The following COL11A1 variants were observed in gnomAD, a reference collection of about 807,000 sequenced individuals.
The protein encoded by COL11A1 is collagen type XI alpha 1 chain, also known as collagen alpha-1(XI) chain.
Under a neutral mutation model 265.2 loss-of-function variants are expected in COL11A1, and 74 were observed. The observed-to-expected ratio is 0.28, with a 90% CI of 0.23 to 0.34. The LOEUF (loss-of-function observed/expected upper bound fraction) is 0.34. Among genes scored for constraint, COL11A1 ranks in the 10% least tolerant of loss-of-function variants. The probability of loss-of-function intolerance (pLI) is 1.00; values close to 1 mark genes in which losing one functional copy is unlikely to be tolerated. For missense variants in COL11A1, 2,165 were observed against 2,263.6 expected (o/e 0.96, Z 0.88); for synonymous variants, 816 against 727.6 (o/e 1.12, Z -1.96).
intron 9 of COL11A1, 129 bp from the exon 10 acceptor site, chr1:103,018,988 A>G: frequency 1.4e-6 from 1 of 703,222 alleles, no homozygotes; most frequent in East Asian, 2.7e-5. Context: ...CACTTAAATT[A>G]ATTACAAATG....
At position 102,877,422 on chromosome 1, in the gene COL11A1, A is replaced by T. The variant is rs1649629784; in HGVS notation, c.*597T>A. The T allele has an allele frequency of 6.6e-6, 1 of 152,604 alleles. No homozygotes were observed. The highest frequency in any genetic ancestry group is 1.5e-5 in the Non-Finnish European group (1 of 68,028). The allele number at this position is 152,604 out of a possible 1,614,324, so 9.5% of individuals were successfully genotyped here. A position where few individuals can be genotyped will look rare whatever the true frequency, so the allele number is the denominator to read the frequency against. ...TTTTGTTGGCGACATCAAATAATTG[A>T]ACTCTTCAACATCAATATATACAAA... On this transcript the variant is annotated 3_prime_UTR_variant, in exon 67 of 67. Coordinates refer to ENST00000370096, the MANE Select transcript of COL11A1 (RefSeq NM_001854.4).
chr1:103,081,447 A>T (rs936141864), intron 2 of COL11A1, among the ~76,000 whole-genome samples: 13 of 151,856 alleles, frequency 8.6e-5, no homozygotes, highest in African/African-American at 1.2e-4. Context: ...CTATTTTTAA[A>T]ATGTTTTATG....
Position 102,962,213 on chromosome 1 carries a change from C to G in COL11A1, c.3077G>C (p.Arg1026Pro). 1 of 1,613,712 alleles carries G rather than the reference C, an allele frequency of 6.2e-7. No individual in the cohort carries two copies. Among genetic ancestry groups the G allele is most frequent in the Non-Finnish European group, 8.5e-7 (1 of 1,179,706 alleles). ...AAGACCTCTTTCCCCTGGGAAACCA[C>G]GTAATCCTGCTGGTCCATCTTTCCC... is the stretch of plus-strand genomic sequence containing the variant. ...ISGKDGPAGL[R>P]GFPGERGLPG... The change falls in exon 40 of 67, where the codon CGT becomes CCT. Residue 1026 changes from arginine to proline, a missense_variant. Coordinates refer to ENST00000370096, the MANE Select transcript of COL11A1 (RefSeq NM_001854.4).
chr1:103,106,301 G>A (rs1285611551), intron 1 of COL11A1, among the ~76,000 whole-genome samples: 2 of 152,096 alleles, frequency 1.3e-5, no homozygotes, highest in Non-Finnish European at 2.9e-5. Flanking sequence ...CATCACCGAA[G>A]AAATTCTCAG....
rs533717283 is a variant in COL11A1, at chr1:103,017,529, G to T, written c.1413+291C>A. Among the ~76,000 whole-genome samples the T allele has an allele frequency of 7.9e-5, 12 of 152,152 alleles. No homozygotes were observed. The East Asian group carries it at 2.3e-3, about 29-fold the overall frequency. On this transcript the variant is annotated intron_variant, in intron 11 of 66. Coordinates refer to ENST00000370096, the MANE Select transcript of COL11A1 (RefSeq NM_001854.4). ...TGGAAATATCTGGAAAATATGACTGGAATTCAAATTTGAAGACCAGAATCC... is the reference window on the plus strand; with the variant it reads ...TGGAAATATCTGGAAAATATGACTGTAATTCAAATTTGAAGACCAGAATCC...
chr1:102,942,482 G>A (rs1344767343), intron 42 of COL11A1, among the ~76,000 whole-genome samples: 2 of 151,916 alleles, frequency 1.3e-5, no homozygotes, highest in Non-Finnish European at 2.9e-5. Flanking sequence ...GTATCTCTTG[G>A]CCCACAATCT....
At chr1:102,981,241 A>G (rs115219218) in intron 31 of COL11A1, among the ~76,000 whole-genome samples, 1,595 of 152,196 alleles carry the variant, frequency 0.01, 26 homozygotes, top group African/African-American at 0.036. Flanking sequence ...CGTACTGGGG[A>G]AAAAAATCTC....
chr1:102,979,231 A>G lies in COL11A1; in HGVS notation c.2611-127T>C, dbSNP rs919818486. On this transcript the variant is annotated intron_variant, in intron 32 of 66. Coordinates refer to ENST00000370096, the MANE Select transcript of COL11A1 (RefSeq NM_001854.4). ...TTCATTCGTATTCATTTAGAGACAG[A>G]CTTGCTATGCTGCCCAGGCTGGCCT... 6.5e-5 allele frequency: 81 copies of G among 1,248,410 alleles called. No individual in the cohort carries two copies. The South Asian group carries it at 9.8e-4, about 15-fold the overall frequency. 77.3% of individuals were successfully genotyped at this position (1,248,410 alleles called of 1,614,324 possible). A position where few individuals can be genotyped will look rare whatever the true frequency, so the allele number is the denominator to read the frequency against.
Position 103,082,895 on chromosome 1 carries a change from T to C in COL11A1, c.184A>G (p.Thr62Ala). 1.2e-6 allele frequency: 2 copies of C among 1,613,742 alleles called. No individual in the cohort carries two copies. The highest frequency in any genetic ancestry group is 1.7e-6 in the Non-Finnish European group (2 of 1,179,754). ...GAGCCTTTAGAATTCTTTCTGTTTG[T>C]GCAAAATCCCGTTGTTTTTGATATT... Reference protein sequence around the residue: ...EGISKTTGFCTNRKNSKGSDT... With the variant: ...EGISKTTGFCANRKNSKGSDT... Residue 62 changes from threonine (T) to alanine (A), a missense_variant, in exon 2 of 67, where the codon ACA becomes GCA. Thr to Ala is a moderately conservative substitution (Grantham distance 58). Transcript: ENST00000370096.
intron 1 of COL11A1, among the ~76,000 whole-genome samples, chr1:103,096,714 A>G (rs976510510): frequency 7.2e-5 from 11 of 151,998 alleles, no homozygotes; most frequent in African/African-American, 2.7e-4. Context: ...GAACTTTAAG[A>G]CTTAAAAAAA....
intron 1 of COL11A1, among the ~76,000 whole-genome samples, chr1:103,085,293 A>G (rs965842107): frequency 5.3e-5 from 8 of 152,200 alleles, no homozygotes; most frequent in Non-Finnish European, 8.8e-5. Flanking sequence ...CAGGGCCCCA[A>G]ATGGCTGGAG....
chr1:102,992,240 T>C (rs1429419291), intron 28 of COL11A1, among the ~76,000 whole-genome samples: 2 of 152,114 alleles, frequency 1.3e-5, no homozygotes, highest in African/African-American at 4.8e-5. Flanking sequence ...AAGTGACGTA[T>C]CAAGTTATTA....
In COL11A1 at chr1:103,009,018, A is replaced by C. The variant is rs567675187; in HGVS notation, c.1630-502T>G. Among the ~76,000 whole-genome samples, 15 of 152,330 alleles carry C rather than the reference A, an allele frequency of 9.8e-5. No homozygotes were observed. The South Asian group carries it at 2.9e-3, about 29-fold the overall frequency. On this transcript the variant is annotated intron_variant, in intron 14 of 66. Transcript: ENST00000370096. ...AGAACCTGGTGTTATTGATACTATT[A>C]TAATTGCCGTGAAATAGTGTTAACA... is the stretch of plus-strand genomic sequence containing the variant.
chr1:102,973,862 T>C (rs1168553624), intron 36 of COL11A1, among the ~76,000 whole-genome samples: 1 of 152,206 alleles, frequency 6.6e-6, no homozygotes, highest in Non-Finnish European at 1.5e-5. Flanking sequence ...TGTCTTAATA[T>C]TTGATGTTTA....
intron 63 of COL11A1, among the ~76,000 whole-genome samples, chr1:102,884,137 G>A (rs528072121): frequency 1.2e-4 from 18 of 152,202 alleles, no homozygotes; most frequent in Non-Finnish European, 2.4e-4. Flanking sequence ...AGTGAAAGCC[G>A]CTGAGGCAGT....
intron 46 of COL11A1, among the ~76,000 whole-genome samples, chr1:102,925,390 G>C (rs1019123754): frequency 1.3e-5 from 2 of 151,750 alleles, no homozygotes; most frequent in Non-Finnish European, 2.9e-5. Flanking sequence ...ATGACTTTCA[G>C]TTTGTAAAGA....
chr1:102,961,723 G>T, intron 41 of COL11A1, 143 bp downstream of exon 41: 1 of 726,586 alleles, frequency 1.4e-6, no homozygotes, highest in Non-Finnish European at 2.4e-6. Context: ...CATGCAATTA[G>T]TGGGAACTAG....
At chr1:103,040,418 A>C (rs2102046951) in intron 4 of COL11A1, among the ~76,000 whole-genome samples, 1 of 151,660 alleles carries the variant, frequency 6.6e-6, no homozygotes, top group African/African-American at 2.4e-5. Flanking sequence ...TCATTTTATC[A>C]GTTTATGTTA....
At chr1:102,919,143 G>T (rs1359293130) in intron 49 of COL11A1, among the ~76,000 whole-genome samples, 1 of 132,866 alleles carries the variant, frequency 7.5e-6, no homozygotes, top group Non-Finnish European at 1.7e-5. Context: ...GGAATGAAAA[G>T]TGTGTTTTCA....
Sources: gnomAD v4.1 joint callset for allele counts (sites outside exome capture counted in the v4.1 genomes callset) on GRCh38, gnomAD v4.1.1 for gene constraint, MANE v1.5 for transcripts, NCBI Gene and HGNC (gene_info 2026-07-23, HGNC 2026-07-21) for gene names.